Variants in ADGRA3 observed in about 807,000 individuals in gnomAD.
ADGRA3 encodes the protein G-protein coupled receptor 125.
In ADGRA3, 56 loss-of-function variants were observed where a neutral mutation model predicts 119.8. The ratio of observed to expected loss-of-function variants is 0.47; its 90% CI spans 0.38 to 0.58. The LOEUF (loss-of-function observed/expected upper bound fraction) is 0.58, where lower values mean the gene tolerates loss of function less well. Among genes scored for constraint, ADGRA3 ranks in the 20% least tolerant of loss-of-function variants. The probability of loss-of-function intolerance (pLI) is 0.00; values close to 1 mark genes in which losing one functional copy is unlikely to be tolerated. For synonymous variants in ADGRA3, 607 were observed against 623.8 expected, an observed-to-expected ratio of 0.97 and a Z score of 0.40; for missense variants, 1,516 against 1,649.0, an observed-to-expected ratio of 0.92 and a Z score of 1.40.
chr4:22,429,768 C>T (rs1215754646), intron 10 of ADGRA3, among the ~76,000 whole-genome samples: 1 of 152,150 alleles, frequency 6.6e-6, no homozygotes, highest in Non-Finnish European at 1.5e-5. Context: ...AAATGAGTCC[C>T]CCTACACTGG....
chr4:22,467,914 A>G (rs1717717715), intron 2 of ADGRA3, among the ~76,000 whole-genome samples: 1 of 152,204 alleles, frequency 6.6e-6, no homozygotes, highest in South Asian at 2.1e-4. Context: ...AGTTCTTGGT[A>G]AAAGAACTAC....
chr4:22,471,124 C>A (rs753980568), intron 2 of ADGRA3, among the ~76,000 whole-genome samples: 8 of 152,166 alleles, frequency 5.3e-5, no homozygotes, highest in Non-Finnish European at 1.0e-4. Context: ...TCCAGAGGAG[C>A]AGGGAGCACC....
At chr4:22,406,207 A>G (rs1040991971) in intron 14 of ADGRA3, among the ~76,000 whole-genome samples, 1 of 151,924 alleles carries the variant, frequency 6.6e-6, no homozygotes, top group Non-Finnish European at 1.5e-5. Context: ...TTCTTTACCC[A>G]TTTGTCTGTT....
rs138023539 is a variant in ADGRA3 at position 22,449,479 on chromosome 4, C to A, written c.474-1968G>T. Reference sequence around the variant, plus strand: ...ACATTCCTTATATGTACAATTGTCTCCGATTTTCTTTAAATGTTTGCAAGA... The same window carrying A: ...ACATTCCTTATATGTACAATTGTCTACGATTTTCTTTAAATGTTTGCAAGA... On this transcript the variant is annotated intron_variant, in intron 4 of 18. Coordinates refer to ENST00000334304, the MANE Select transcript of ADGRA3 (RefSeq NM_145290.4). 3.4e-3 allele frequency among the ~76,000 whole-genome samples: 515 copies of A among 152,164 alleles called. 2 individuals are homozygous for A. Among genetic ancestry groups the A allele is most frequent in the Middle Eastern group, 6.8e-3 (2 of 294 alleles).
At chr4:22,498,689 G>A (rs1222902234) in intron 1 of ADGRA3, among the ~76,000 whole-genome samples, 1 of 152,128 alleles carries the variant, frequency 6.6e-6, no homozygotes, top group Non-Finnish European at 1.5e-5. Context: ...GCCAAGGTGG[G>A]CGGATCACAA....
intron 2 of ADGRA3, among the ~76,000 whole-genome samples, chr4:22,466,741 T>C (rs1717673883): frequency 6.6e-6 from 1 of 151,712 alleles, no homozygotes; most frequent in Admixed American, 6.6e-5. Context: ...ACAACAGCAC[T>C]CTGCGCCCTG....
Position 22,388,481 on chromosome 4 carries a change from C to T in ADGRA3, c.3190G>A (p.Gly1064Arg), listed in dbSNP as rs768181664. 2 of 1,613,940 alleles carry T rather than the reference C, an allele frequency of 1.2e-6. No individual in the cohort carries two copies. Among genetic ancestry groups the T allele is most frequent in the Admixed American group, 1.7e-5 (1 of 59,978 alleles). Residue 1064 changes from glycine (G) to arginine (R), a missense_variant, in exon 19 of 19, where the codon GGA (glycine) becomes AGA (arginine). Gly to Arg is a moderately radical substitution (Grantham distance 125). Around this residue, in one of 2 missense-constraint regions of ADGRA3, gnomAD observed 1,088 missense variants for 1,107.1 expected, o/e 0.98. Coordinates refer to ENST00000334304, the MANE Select transcript of ADGRA3 (RefSeq NM_145290.4). ...RLAWIMTCCP[G>R]RSSYSVQVNV... is the part of the protein sequence containing the mutation. ...ACTTGCACTGAATACGAGCTCCGTC[C>T]TGGGCAGCAAGTCATGATCCACGCA...
chr4:22,419,249 T>TA (rs34968637), intron 12 of ADGRA3, among the ~76,000 whole-genome samples: 133,930 of 147,606 alleles, frequency 0.91, 61,243 homozygotes, highest in Non-Finnish European at 0.97. Flanking sequence ...TTCAAGGGAT[T>TA]AAAAAAAAAA....
In ADGRA3 at chr4:22,436,459, A is replaced by T. The variant is rs780050247; in HGVS notation, c.1268T>A (p.Val423Asp). Reference sequence around the variant, plus strand: ...AGTTACCTGATTAAACATATAAAGAACTCTAGTGACATCATTTGCATACTG... The same window carrying T: ...AGTTACCTGATTAAACATATAAAGATCTCTAGTGACATCATTTGCATACTG... Reference protein sequence around the residue: ...RCQYANDVTRVLYMFNQMPLN... With the variant: ...RCQYANDVTRDLYMFNQMPLN... The change falls in exon 9 of 19, where the codon GTT (valine) becomes GAT (aspartate). Residue 423 changes from valine (V) to aspartate (D), a missense_variant. Val to Asp is a radical substitution (Grantham distance 152, BLOSUM62 -3). Transcript: ENST00000334304. 3 of 1,611,886 alleles carry T rather than the reference A, an allele frequency of 1.9e-6. No homozygotes were observed. Among genetic ancestry groups the T allele is most frequent in the Non-Finnish European group, 2.5e-6 (3 of 1,179,696 alleles).
intron 7 of ADGRA3, among the ~76,000 whole-genome samples, chr4:22,440,965 G>A (rs1716590104): frequency 6.6e-6 from 1 of 152,068 alleles, no homozygotes; most frequent in Non-Finnish European, 1.5e-5. Context: ...CCTTCCCACA[G>A]CTAACAATTA....
At chr4:22,445,520 T>A (rs1327279703) in intron 5 of ADGRA3, among the ~76,000 whole-genome samples, 1 of 152,156 alleles carries the variant, frequency 6.6e-6, no homozygotes, top group Non-Finnish European at 1.5e-5. Context: ...CTTGAAGCCA[T>A]CCCCAATTTT....
At chr4:22,412,720 C>T (rs1715257848) in intron 14 of ADGRA3, among the ~76,000 whole-genome samples, 1 of 152,104 alleles carries the variant, frequency 6.6e-6, no homozygotes, top group Non-Finnish European at 1.5e-5. Context: ...CTTGCAATGA[C>T]AAAAATGAAA....
At chr4:22,444,919 T>A in intron 6 of ADGRA3, 54 bp downstream of exon 6, 2 of 1,568,226 alleles carry the variant, frequency 1.3e-6, no homozygotes, top group South Asian at 2.2e-5. Flanking sequence ...AAGAAAAACA[T>A]GGTAGCAAGT....
intron 1 of ADGRA3, among the ~76,000 whole-genome samples, chr4:22,481,013 C>A (rs1718243202): frequency 6.6e-6 from 1 of 152,110 alleles, no homozygotes; most frequent in African/African-American, 2.4e-5. Flanking sequence ...GCACTCCAGC[C>A]TGGGTGACAG....
intron 1 of ADGRA3, among the ~76,000 whole-genome samples, chr4:22,504,492 T>G (rs1419373504): frequency 6.6e-6 from 1 of 152,146 alleles, no homozygotes; most frequent in Non-Finnish European, 1.5e-5. Context: ...CCCTCTCATT[T>G]TATTCATTCA....
chr4:22,441,410 C>T (rs755547055), intron 7 of ADGRA3, among the ~76,000 whole-genome samples: 1 of 152,126 alleles, frequency 6.6e-6, no homozygotes, highest in Non-Finnish European at 1.5e-5. Context: ...AGTCAGAGGT[C>T]GGCAGACTTT....
At chr4:22,390,364 CG>C (rs1714074405) in intron 17 of ADGRA3, among the ~76,000 whole-genome samples, 1 of 14,456 alleles carries the variant, frequency 6.9e-5, no homozygotes, top group Non-Finnish European at 2.4e-4. Flanking sequence ...ATATATAATA[CG>C]TATTATATAT....
intron 11 of ADGRA3, among the ~76,000 whole-genome samples, chr4:22,421,698 G>A (rs990121647): frequency 2.6e-5 from 4 of 151,876 alleles, no homozygotes; most frequent in Non-Finnish European, 1.5e-5. Context: ...GGTCAACATG[G>A]TGAAGCTCCA....
intron 1 of ADGRA3, among the ~76,000 whole-genome samples, chr4:22,474,955 G>T (rs565906722): frequency 7.2e-5 from 11 of 152,162 alleles, no homozygotes; most frequent in Non-Finnish European, 1.3e-4. Context: ...TGGATCAGAA[G>T]ATTTTAGGTA....
Sources: gnomAD v4.1 joint callset for allele counts (sites outside exome capture counted in the v4.1 genomes callset) on GRCh38, gnomAD v4.1.1 for gene constraint, gnomAD v4.1.1 regional missense constraint, MANE v1.5 for transcripts, NCBI Gene and HGNC (gene_info 2026-07-23, HGNC 2026-07-21) for gene names.